Variants in FAM13B observed in about 807,000 individuals in gnomAD.
The protein encoded by FAM13B is protein FAM13B.
Under a neutral mutation model 117.3 loss-of-function variants are expected in FAM13B, and 60 were observed. The observed-to-expected ratio is 0.51, with a 90% confidence interval of 0.42 to 0.63. The LOEUF (loss-of-function observed/expected upper bound fraction) is 0.63, where lower values mean the gene tolerates loss of function less well. Ranked by LOEUF, FAM13B falls within the 30% of genes least tolerant of loss-of-function variation. The probability of loss-of-function intolerance (pLI) is 0.00; values close to 1 mark genes in which losing one functional copy is unlikely to be tolerated. For synonymous variants in FAM13B, 332 were observed against 356.1 expected (o/e 0.93, Z 0.76); for missense variants, 972 against 1,091.9 (o/e 0.89, Z 1.55).
At chr5:137,977,664 C>T (rs1395621674) in intron 10 of FAM13B, among the ~76,000 whole-genome samples, 1 of 152,146 alleles carries the variant, frequency 6.6e-6, no homozygotes, top group Non-Finnish European at 1.5e-5. Flanking sequence ...CAGGCATGAA[C>T]CACCATGCCT....
At chr5:137,994,213 C>T (rs752076896) in intron 7 of FAM13B, among the ~76,000 whole-genome samples, 26 of 152,154 alleles carry the variant, frequency 1.7e-4, no homozygotes, top group Non-Finnish European at 3.2e-4. Flanking sequence ...ATCAAATAAA[C>T]AGCTCCTTTT....
chr5:138,040,925 G>C (rs982284801), intron 1 of FAM13B, among the ~76,000 whole-genome samples: 4 of 151,508 alleles, frequency 2.6e-5, no homozygotes, highest in African/African-American at 7.3e-5. Context: ...TTAGCTGGGT[G>C]TGGTGGCACA....
chr5:138,037,508 GTC>G (rs1791274328), upstream of FAM13B, among the ~76,000 whole-genome samples: 1 of 151,768 alleles, frequency 6.6e-6, no homozygotes, highest in East Asian at 1.9e-4. Context: ...GGAAGTAGCT[GTC>G]TCTGCAGTTA....
chr5:138,030,410 CTTTT>C (rs59704298), intron 1 of FAM13B, among the ~76,000 whole-genome samples: 2 of 135,454 alleles, frequency 1.5e-5, no homozygotes, highest in Non-Finnish European at 3.1e-5. Context: ...CCATGCCTGG[CTTTT>C]TTTTTTTTTT....
chr5:138,028,877 G>A lies in FAM13B; in HGVS notation c.-203+3905C>T, dbSNP rs568583875. Among the ~76,000 whole-genome samples, 12 of 152,302 alleles carry A rather than the reference G, an allele frequency of 7.9e-5. No individual in the cohort carries two copies. The South Asian group carries it at 1.7e-3, about 21-fold the overall frequency. ...CTACAAGAAATACAAAAATTAGCCA[G>A]GCATGGTGGCACATGCCTGTGGTCC... On this transcript the variant is annotated intron_variant, in intron 1 of 23. Coordinates refer to ENST00000689681, the MANE Select transcript of FAM13B (RefSeq NM_001385994.1).
At chr5:138,034,453 A>G (rs1462310788), upstream of FAM13B, among the ~76,000 whole-genome samples, 1 of 152,220 alleles carries the variant, frequency 6.6e-6, no homozygotes, top group Admixed American at 6.5e-5. Flanking sequence ...TCCATCATTC[A>G]GGGAGTCTCT....
chr5:137,966,521 A>AGAGG (rs1270716126), intron 10 of FAM13B, among the ~76,000 whole-genome samples: 1 of 143,282 alleles, frequency 7.0e-6, no homozygotes, highest in Non-Finnish European at 1.5e-5. Context: ...AGAGAGAGAG[A>AGAGG]GAGGGAAAGA....
chr5:137,970,384 A>T (rs1771708239), intron 10 of FAM13B, among the ~76,000 whole-genome samples: 1 of 152,094 alleles, frequency 6.6e-6, no homozygotes, highest in Non-Finnish European at 1.5e-5. Context: ...AAGGAGAAAT[A>T]AAATACTTTA....
rs184405550 is a variant in FAM13B, at chr5:138,005,881, C to T, written c.848+1109G>A. Among the ~76,000 whole-genome samples the T allele has an allele frequency of 5.3e-5, 8 of 151,966 alleles. No individual in the cohort carries two copies. In the East Asian group the frequency reaches 1.5e-3, roughly 29 times the overall value. ...TTTTAAATGACATTTTGCTTTCTGA[C>T]TCAAATTATTATTTCCTCTTCTTTT... On this transcript the variant is annotated intron_variant, in intron 7 of 23. Coordinates refer to ENST00000689681, the MANE Select transcript of FAM13B (RefSeq NM_001385994.1).
intron 1 of FAM13B, among the ~76,000 whole-genome samples, chr5:138,046,384 TAAG>T (rs1791641591): frequency 6.6e-6 from 1 of 152,198 alleles, no homozygotes; most frequent in Admixed American, 6.5e-5. Context: ...GGTTTATCTC[TAAG>T]AAGAGAGAGG....
chr5:137,958,567 A>G (rs1383330514), intron 13 of FAM13B, among the ~76,000 whole-genome samples: 1 of 152,254 alleles, frequency 6.6e-6, no homozygotes, highest in Middle Eastern at 3.2e-3. Context: ...GTGTATGTCA[A>G]CAGATACTTG....
chr5:137,967,995 G>C (rs1176227401), intron 10 of FAM13B, among the ~76,000 whole-genome samples: 2 of 152,054 alleles, frequency 1.3e-5, no homozygotes, highest in African/African-American at 4.8e-5. Flanking sequence ...AGGCTGAGGA[G>C]GGCGGATCAC....
chr5:138,006,088 G>A (rs567257842), intron 7 of FAM13B, among the ~76,000 whole-genome samples: 14 of 151,960 alleles, frequency 9.2e-5, no homozygotes, highest in African/African-American at 2.2e-4. Flanking sequence ...TAGTAGAGAC[G>A]GGGTTTCACC....
intron 14 of FAM13B, 47 bp from the exon 15 acceptor site, chr5:137,954,423 C>T (rs368375045): frequency 4.8e-5 from 72 of 1,515,688 alleles, no homozygotes; most frequent in Non-Finnish European, 3.7e-5. Context: ...CTTGATTCCA[C>T]GTGGGAAAAA....
chr5:138,012,059 C>T, intron 4 of FAM13B, 114 bp from the exon 5 acceptor site: 1 of 663,622 alleles, frequency 1.5e-6, no homozygotes, highest in Admixed American at 3.5e-5. Context: ...CAATTCAAAA[C>T]CTCTTCACTT....
At chr5:137,954,513 C>T in intron 14 of FAM13B, 137 bp from the exon 15 acceptor site, 1 of 481,994 alleles carries the variant, frequency 2.1e-6, no homozygotes, top group Non-Finnish European at 3.5e-6. Flanking sequence ...CATACACACA[C>T]ACACACACAC....
At chr5:137,948,818 A>G in intron 18 of FAM13B, 137 bp downstream of exon 18, 2 of 653,694 alleles carry the variant, frequency 3.1e-6, no homozygotes, top group Non-Finnish European at 2.6e-6. Context: ...TGATTAAATC[A>G]TGTTTCTGAA....
intron 10 of FAM13B, among the ~76,000 whole-genome samples, chr5:137,969,961 G>A (rs1173529059): frequency 1.3e-5 from 2 of 152,286 alleles, no homozygotes; most frequent in East Asian, 3.9e-4. Flanking sequence ...GGGACTATGT[G>A]AAAAGACCAA....
chr5:137,961,941 G>C (rs1768234980), intron 11 of FAM13B, among the ~76,000 whole-genome samples: 1 of 152,172 alleles, frequency 6.6e-6, no homozygotes, highest in Non-Finnish European at 1.5e-5. Flanking sequence ...GCCAGCCAAA[G>C]AGGTTAAAAA....
Sources: gnomAD v4.1 joint callset for allele counts (sites outside exome capture counted in the v4.1 genomes callset) on GRCh38, gnomAD v4.1.1 for gene constraint, MANE v1.5 for transcripts, NCBI Gene and HGNC (gene_info 2026-07-23, HGNC 2026-07-21) for gene names.